LRP1B: variants seen among roughly 807,000 people sequenced by gnomAD.
LRP1B encodes the protein LDL receptor related protein 1B.
A neutral mutation model predicts 556.6 loss-of-function variants in LRP1B; 217 were observed. That is an observed-to-expected ratio of 0.39 (90% CI 0.35 to 0.44). The LOEUF (loss-of-function observed/expected upper bound fraction) is 0.44, where lower values mean the gene tolerates loss of function less well. Ranked by LOEUF, LRP1B falls within the 20% of genes least tolerant of loss-of-function variation. The probability of loss-of-function intolerance (pLI) is 1.00; values close to 1 mark genes in which losing one functional copy is unlikely to be tolerated. For missense variants in LRP1B, 5,053 were observed against 5,620.8 expected, an observed-to-expected ratio of 0.90 and a Z score of 3.23; for synonymous variants, 2,047 against 1,865.8, an observed-to-expected ratio of 1.10 and a Z score of -2.50.
intron 18 of LRP1B, among the ~76,000 whole-genome samples, chr2:140,968,317 C>T (rs1300764095): frequency 6.6e-6 from 1 of 151,812 alleles, no homozygotes; most frequent in African/African-American, 2.4e-5. Flanking sequence ...TTTATTTGCA[C>T]AGAGGTGTTT....
intron 1 of LRP1B, among the ~76,000 whole-genome samples, chr2:142,124,496 G>T (rs1421300204): frequency 6.6e-6 from 1 of 151,560 alleles, no homozygotes; most frequent in Non-Finnish European, 1.5e-5. Context: ...TTTATTGAGA[G>T]AAAATCTTTG....
intron 2 of LRP1B, among the ~76,000 whole-genome samples, chr2:141,561,149 A>T (rs1288817942): frequency 1.3e-5 from 2 of 151,786 alleles, no homozygotes; most frequent in African/African-American, 4.8e-5. Flanking sequence ...TGCATAGCAG[A>T]AAATAAAGGT....
chr2:141,613,944 G>A (rs549224926), intron 2 of LRP1B, among the ~76,000 whole-genome samples: 1 of 151,164 alleles, frequency 6.6e-6, no homozygotes, highest in Non-Finnish European at 1.5e-5. Context: ...GTAGTGGCAG[G>A]CGCCTATAAT....
chr2:141,091,947 C>T (rs73964051), intron 7 of LRP1B, among the ~76,000 whole-genome samples: 1,990 of 152,132 alleles, frequency 0.013, 55 homozygotes, highest in African/African-American at 0.046. Context: ...CACTGAATCA[C>T]CAAAAATTGG....
At chr2:140,277,039 G>A (rs1682701009) in intron 84 of LRP1B, among the ~76,000 whole-genome samples, 1 of 151,472 alleles carries the variant, frequency 6.6e-6, no homozygotes, top group Admixed American at 6.6e-5. Flanking sequence ...AACTAACATT[G>A]AAAACCAAAA....
chr2:140,477,343 A>T (rs1015566642), intron 59 of LRP1B, among the ~76,000 whole-genome samples: 1 of 152,088 alleles, frequency 6.6e-6, no homozygotes, highest in Admixed American at 6.5e-5. Flanking sequence ...TCTATATACC[A>T]TGTTATGTTT....
chr2:141,552,462 T>C (rs1283395651), intron 2 of LRP1B, among the ~76,000 whole-genome samples: 1 of 151,986 alleles, frequency 6.6e-6, no homozygotes, highest in Admixed American at 6.6e-5. Flanking sequence ...TTTTAAGTAA[T>C]AGTAAAATTA....
intron 11 of LRP1B, among the ~76,000 whole-genome samples, chr2:141,043,909 G>A (rs992775843): frequency 1.3e-4 from 19 of 151,816 alleles, no homozygotes; most frequent in African/African-American, 4.6e-4. Context: ...CACAGAATTG[G>A]AAAAAACTAC....
intron 6 of LRP1B, among the ~76,000 whole-genome samples, chr2:141,209,161 T>C (rs190157425): frequency 4.6e-5 from 7 of 152,192 alleles, no homozygotes; most frequent in African/African-American, 1.7e-4. Context: ...TTTGGTTCTG[T>C]GTCCCCACCC....
chr2:140,841,172 T>A (rs2105098734), intron 29 of LRP1B, 80 bp from the exon 30 acceptor site: 1 of 870,452 alleles, frequency 1.1e-6, no homozygotes, highest in Non-Finnish European at 1.7e-6. Flanking sequence ...ATTTTCTATC[T>A]AAGGGAAAAT....
intron 80 of LRP1B, 133 bp from the exon 81 acceptor site, chr2:140,324,199 A>G (rs955092117): frequency 1.1e-4 from 59 of 526,122 alleles, no homozygotes; most frequent in Non-Finnish European, 1.9e-4. Flanking sequence ...AATATTTACA[A>G]TATTAGCTAT....
At chr2:141,467,469 T>A (rs1682276287) in intron 3 of LRP1B, among the ~76,000 whole-genome samples, 1 of 152,148 alleles carries the variant, frequency 6.6e-6, no homozygotes, top group Non-Finnish European at 1.5e-5. Context: ...ATTGACCATG[T>A]AACTAAAAAT....
At chr2:141,052,707 A>G (rs1396323248) in intron 10 of LRP1B, among the ~76,000 whole-genome samples, 1 of 151,980 alleles carries the variant, frequency 6.6e-6, no homozygotes, top group East Asian at 1.9e-4. Flanking sequence ...CTAATATCTC[A>G]GCTTATTGCA....
chr2:141,340,696 C>T (rs1051642803), intron 3 of LRP1B, among the ~76,000 whole-genome samples: 1 of 152,126 alleles, frequency 6.6e-6, no homozygotes, highest in Non-Finnish European at 1.5e-5. Context: ...ATATAATCTT[C>T]AAATTATCCT....
At chr2:141,049,568 T>C (rs966542425) in intron 10 of LRP1B, among the ~76,000 whole-genome samples, 3 of 152,202 alleles carry the variant, frequency 2.0e-5, no homozygotes, top group African/African-American at 7.2e-5. Flanking sequence ...TATTATAATC[T>C]ATCTAACATT....
chr2:140,291,314 A>T (rs1266151933), intron 84 of LRP1B, among the ~76,000 whole-genome samples: 11 of 65,114 alleles, frequency 1.7e-4, no homozygotes, highest in Admixed American at 6.5e-4. Context: ...ATATATATAT[A>T]TATATTTTTA....
intron 39 of LRP1B, 141 bp from the exon 40 acceptor site, chr2:140,701,986 G>T (rs1686661424): frequency 3.9e-6 from 5 of 1,295,582 alleles, no homozygotes; most frequent in Middle Eastern, 1.9e-4. Flanking sequence ...GCTTCAGCTT[G>T]GAATAGCAAG....
intron 15 of LRP1B, among the ~76,000 whole-genome samples, chr2:141,001,811 T>C (rs540775436): frequency 6.6e-6 from 1 of 152,266 alleles, no homozygotes; most frequent in South Asian, 2.1e-4. Context: ...CATGTGCATG[T>C]ACTTTTCATC....
At chr2:141,882,948 T>C (rs538718165) in intron 1 of LRP1B, among the ~76,000 whole-genome samples, 68 of 152,298 alleles carry the variant, frequency 4.5e-4, no homozygotes, top group East Asian at 1.4e-3. Flanking sequence ...CAAACGTATG[T>C]TGGCTGTTCA....
Sources: gnomAD v4.1 joint callset for allele counts (sites outside exome capture counted in the v4.1 genomes callset) on GRCh38, gnomAD v4.1.1 for gene constraint, MANE v1.5 for transcripts, NCBI Gene and HGNC (gene_info 2026-07-23, HGNC 2026-07-21) for gene names.